Variants in ASPHD2 observed in about 807,000 individuals in gnomAD.
ASPHD2 encodes aspartate beta-hydroxylase domain-containing protein 2.
Under a neutral mutation model 34.6 loss-of-function variants are expected in ASPHD2, and 12 were observed. The observed-to-expected ratio is 0.35, with a 90% CI of 0.22 to 0.56. The LOEUF (loss-of-function observed/expected upper bound fraction) is 0.56, where lower values mean the gene tolerates loss of function less well. Ranked by LOEUF, ASPHD2 falls within the 20% of genes least tolerant of loss-of-function variation. The pLI is 0.87. For missense variants in ASPHD2, 375 were observed against 505.0 expected, an observed-to-expected ratio of 0.74 and a Z score of 2.47; for synonymous variants, 224 against 212.2, an observed-to-expected ratio of 1.06 and a Z score of -0.48.
chr22:26,434,723 C>G (rs1296864137), intron 2 of ASPHD2, among the ~76,000 whole-genome samples: 4 of 152,220 alleles, frequency 2.6e-5, no homozygotes, highest in Non-Finnish European at 5.9e-5. Context: ...CAGCTCTGTG[C>G]AAAGAACTTT....
chr22:26,436,847 T>C (rs1303595312), intron 2 of ASPHD2, among the ~76,000 whole-genome samples: 1 of 150,646 alleles, frequency 6.6e-6, no homozygotes, highest in South Asian at 2.1e-4. Context: ...CATGCATGTG[T>C]GTGTGTGTGT....
At chr22:26,431,433 C>T (rs887496013) in intron 1 of ASPHD2, among the ~76,000 whole-genome samples, 1 of 136,246 alleles carries the variant, frequency 7.3e-6, no homozygotes, top group Non-Finnish European at 1.6e-5. Flanking sequence ...AAAAAAAAAA[C>T]AAAAGAAAAC....
At chr22:26,432,504 G>A (rs1050922242) in intron 1 of ASPHD2, among the ~76,000 whole-genome samples, 4 of 152,316 alleles carry the variant, frequency 2.6e-5, no homozygotes, top group Non-Finnish European at 5.9e-5. Context: ...TGGGAAACAC[G>A]GCTGGGGTTT....
At chr22:26,439,321 C>T (rs986712859) in intron 2 of ASPHD2, among the ~76,000 whole-genome samples, 2 of 152,130 alleles carry the variant, frequency 1.3e-5, no homozygotes, top group African/African-American at 4.8e-5. Context: ...ATTGCTTGAA[C>T]CCAAGAGGCA....
chr22:26,435,140 G>A (rs955544832), intron 2 of ASPHD2, among the ~76,000 whole-genome samples: 3 of 152,322 alleles, frequency 2.0e-5, no homozygotes, highest in East Asian at 1.9e-4. Flanking sequence ...GCCCCACCAC[G>A]AGCTGTGCTA....
intron 1 of ASPHD2, among the ~76,000 whole-genome samples, chr22:26,431,676 C>T (rs138269095): frequency 6.6e-6 from 1 of 152,284 alleles, no homozygotes; most frequent in East Asian, 1.9e-4. Context: ...CATGAGGCAA[C>T]AAGAGTGTCC....
intron 2 of ASPHD2, among the ~76,000 whole-genome samples, chr22:26,436,475 T>C (rs2084792990): frequency 6.6e-6 from 1 of 152,094 alleles, no homozygotes; most frequent in African/African-American, 2.4e-5. Flanking sequence ...AGAAATCAGG[T>C]GCCGCCAGGG....
In ASPHD2 at chr22:26,433,648, T is replaced by C; in HGVS notation, c.33T>C (p.Thr11=). ...GGGCGCCCTTGGGACCCCCGAGGAC[T>C]GATTGTCTGACCTTGCTTCACACGC... MVWAPLGPPR[T]DCLTLLHTPS... is the part of the protein sequence containing the mutation. Residue 11 remains threonine (T), a synonymous_variant, in exon 2 of 4, where the codon ACT becomes ACC. Transcript: ENST00000215906. This position sits in a 1 kb window ranked among gnomAD's most constrained non-coding sequence, Gnocchi z 5.1. The C allele has an allele frequency of 2.5e-6, 4 of 1,614,094 alleles. No homozygotes were observed. The highest frequency in any genetic ancestry group is 3.4e-6 in the Non-Finnish European group (4 of 1,180,020).
chr22:26,443,466 C>T lies in ASPHD2; in HGVS notation c.*260C>T, dbSNP rs1387511993. On this transcript the variant is annotated 3_prime_UTR_variant, in exon 4 of 4. Coordinates refer to ENST00000215906, the MANE Select transcript of ASPHD2 (RefSeq NM_020437.5). Reference sequence around the variant, plus strand: ...CAGAGACTCCTTTCTGGCCTAACAGCGCATTCCTTTGATTGGTCCTTGAGT... The same window carrying T: ...CAGAGACTCCTTTCTGGCCTAACAGTGCATTCCTTTGATTGGTCCTTGAGT... 1.9e-5 allele frequency: 8 copies of T among 423,370 alleles called. No individual in the cohort carries two copies. Among genetic ancestry groups the T allele is most frequent in the African/African-American group, 8.2e-5 (4 of 49,026 alleles). 26.2% of individuals were successfully genotyped at this position (423,370 alleles called of 1,614,324 possible).
At chr22:26,438,859 A>G (rs1404058999) in intron 2 of ASPHD2, among the ~76,000 whole-genome samples, 1 of 152,056 alleles carries the variant, frequency 6.6e-6, no homozygotes, top group East Asian at 1.9e-4. Flanking sequence ...CTGGAGAAAG[A>G]TACAGGCTGG....
chr22:26,435,710 TAAAAGAAAAGAAAAG>T (rs139306199), intron 2 of ASPHD2, among the ~76,000 whole-genome samples: 22,683 of 145,858 alleles, frequency 0.16, 1,995 homozygotes, highest in Non-Finnish European at 0.19. Context: ...ATCACTGCAC[TAAAAGAAAAGAAAAG>T]AAAAGAAAAG....
In ASPHD2 at chr22:26,434,509, G is replaced by A; in HGVS notation, c.886+8G>A. 4 of 1,575,402 alleles carry A rather than the reference G, an allele frequency of 2.5e-6. No individual in the cohort carries two copies. Among genetic ancestry groups the A allele is most frequent in the Non-Finnish European group, 3.5e-6 (4 of 1,156,358 alleles). ...GCATCCGATGCCATTTAGGTATGTT[G>A]CAAGGACAGGGGTCTCCCGGCATGC... On this transcript the variant is annotated splice_region_variant and intron_variant, in intron 2 of 3. Transcript: ENST00000215906.
At position 26,433,503 on chromosome 22, in the gene ASPHD2, T is replaced by A; in HGVS notation, c.-113T>A. Reference sequence around the variant, plus strand: ...TGACTTTTGCCGGAAAGTGGAGCAGTGGGCACGGCCAACCTTGTCGTTCAT... The same window carrying A: ...TGACTTTTGCCGGAAAGTGGAGCAGAGGGCACGGCCAACCTTGTCGTTCAT... On this transcript the variant is annotated 5_prime_UTR_variant, in exon 2 of 4. Coordinates refer to ENST00000215906, the MANE Select transcript of ASPHD2 (RefSeq NM_020437.5). The surrounding 1 kb of genome is among the most constrained non-coding windows in gnomAD (Gnocchi z 5.1). 1.3e-6 allele frequency: 1 copy of A among 787,344 alleles called. No homozygotes were observed. The highest frequency in any genetic ancestry group is 2.0e-6 in the Non-Finnish European group (1 of 491,566). 48.8% of individuals were successfully genotyped at this position (787,344 alleles called of 1,614,324 possible).
intron 2 of ASPHD2, among the ~76,000 whole-genome samples, chr22:26,438,616 T>C (rs2084814603): frequency 6.1e-5 from 6 of 98,496 alleles, no homozygotes; most frequent in Non-Finnish European, 9.0e-5. Context: ...TACATATATA[T>C]ATACACACAT....
Position 26,429,463 on chromosome 22 carries a change from A to T in ASPHD2, c.-248A>T, listed in dbSNP as rs2084743081. The T allele has an allele frequency of 6.9e-6, 1 of 144,974 alleles. No individual in the cohort carries two copies. Among genetic ancestry groups the T allele is most frequent in the African/African-American group, 2.5e-5 (1 of 40,174 alleles). The allele number at this position is 144,974 out of a possible 1,614,324, so 9.0% of individuals were successfully genotyped here. A position where few individuals can be genotyped will look rare whatever the true frequency, so the allele number is the denominator to read the frequency against. On this transcript the variant is annotated 5_prime_UTR_variant, in exon 1 of 4. Coordinates refer to ENST00000215906, the MANE Select transcript of ASPHD2 (RefSeq NM_020437.5). This position sits in a 1 kb window ranked among gnomAD's most constrained non-coding sequence, Gnocchi z 4.5. ...GCGGCGGCGTCTCCTGGGTCCCGGC[A>T]GCCGTCCGCGCGCCCGGGCGCAGGT...
chr22:26,444,308 T>C lies in ASPHD2; in HGVS notation c.*1102T>C, dbSNP rs552488526. The C allele has an allele frequency of 5.1e-4, 78 of 152,282 alleles. No homozygotes were observed. Among genetic ancestry groups the C allele is most frequent in the African/African-American group, 1.8e-3 (76 of 41,562 alleles). The allele number at this position is 152,282 out of a possible 1,614,324, so 9.4% of individuals were successfully genotyped here. A position where few individuals can be genotyped will look rare whatever the true frequency, so the allele number is the denominator to read the frequency against. On this transcript the variant is annotated 3_prime_UTR_variant, in exon 4 of 4. Coordinates refer to ENST00000215906, the MANE Select transcript of ASPHD2 (RefSeq NM_020437.5). ...AGATAGTGGAAGAGTTGGCCCTGTG[T>C]CTTTGTCATGGCACAAAGGTGTGCA...
intron 2 of ASPHD2, among the ~76,000 whole-genome samples, chr22:26,437,667 T>A (rs779390835): frequency 6.6e-6 from 1 of 152,176 alleles, no homozygotes; most frequent in Non-Finnish European, 1.5e-5. Context: ...GTTTTTCTTT[T>A]CTGCATGTCA....
chr22:26,430,034 C>A (rs1324457753), intron 1 of ASPHD2, among the ~76,000 whole-genome samples: 1 of 152,226 alleles, frequency 6.6e-6, no homozygotes, highest in Non-Finnish European at 1.5e-5. Context: ...CTTCAGCCCT[C>A]CCCTCTTTCC....
At chr22:26,439,525 C>T (rs1323965618) in intron 2 of ASPHD2, among the ~76,000 whole-genome samples, 1 of 152,214 alleles carries the variant, frequency 6.6e-6, no homozygotes, top group Non-Finnish European at 1.5e-5. Flanking sequence ...TCTTTGGAGT[C>T]AGGCTGACTC....
Sources: allele counts gnomAD v4.1 joint callset (sites outside exome capture counted in the v4.1 genomes callset), GRCh38; gene constraint gnomAD v4.1.1; non-coding constraint Gnocchi (gnomAD v3.1); transcripts MANE v1.5; gene names NCBI Gene and HGNC (gene_info 2026-07-23, HGNC 2026-07-21).